The following SOX6 variants were observed in gnomAD, a reference collection of about 807,000 sequenced individuals.
SOX6 encodes the protein transcription factor SOX-6.
Under a neutral mutation model 97.8 loss-of-function variants are expected in SOX6, and 11 were observed. The ratio of observed to expected loss-of-function variants is 0.11; its 90% confidence interval spans 0.07 to 0.19. The LOEUF is 0.19. Among genes scored for constraint, SOX6 ranks in the 10% least tolerant of loss-of-function variants. SOX6 has a pLI of 1.00. For synonymous variants in SOX6, 360 were observed against 371.4 expected (o/e 0.97, Z 0.35); for missense variants, 810 against 1,039.5 (o/e 0.78, Z 3.04).
intron 6 of SOX6, among the ~76,000 whole-genome samples, chr11:16,174,353 A>G (rs1453657448): frequency 6.6e-6 from 1 of 151,976 alleles, no homozygotes; most frequent in Admixed American, 6.6e-5. Context: ...GTTTGATATT[A>G]CAACTTTAAC....
In SOX6 at chr11:16,447,875, C is replaced by A. The variant is rs115322911; in HGVS notation, c.-5+28440G>T. Reference sequence around the variant, plus strand: ...AGGTGCATATAAGTGGTTGTATTCACTTCAGTCTTACATCCACCAAATCAG... The same window carrying A: ...AGGTGCATATAAGTGGTTGTATTCAATTCAGTCTTACATCCACCAAATCAG... On this transcript the variant is annotated intron_variant, in intron 1 of 15. Coordinates refer to the SOX6 transcript ENST00000396356. Among the ~76,000 whole-genome samples the A allele has an allele frequency of 2.6e-3, 403 of 152,316 alleles. 3 individuals are homozygous for A. Among genetic ancestry groups the A allele is most frequent in the African/African-American group, 9.2e-3 (381 of 41,574 alleles).
chr11:16,052,090 G>C (rs1847699628), intron 10 of SOX6, among the ~76,000 whole-genome samples: 2 of 151,894 alleles, frequency 1.3e-5, no homozygotes, highest in Non-Finnish European at 2.9e-5. Flanking sequence ...CTATCTTCTT[G>C]AACATATGGA....
chr11:16,322,199 A>G (rs1227601985), intron 2 of SOX6, among the ~76,000 whole-genome samples: 2 of 152,186 alleles, frequency 1.3e-5, no homozygotes, highest in Admixed American at 6.6e-5. Flanking sequence ...CCAAATCTCA[A>G]GTTGAATTGT....
At chr11:16,532,276 T>G (rs1375467788) in intron 4 of SOX6, among the ~76,000 whole-genome samples, 1 of 151,804 alleles carries the variant, frequency 6.6e-6, no homozygotes, top group Non-Finnish European at 1.5e-5. Context: ...ACTACTCTAT[T>G]TAGGAAAGGG....
chr11:16,488,586 G>T (rs1302126497), intron 4 of SOX6, among the ~76,000 whole-genome samples: 5 of 152,024 alleles, frequency 3.3e-5, no homozygotes, highest in Admixed American at 1.3e-4. Context: ...TGCCTTAAGG[G>T]TACAAGACCC....
At chr11:16,556,533 A>T (rs1434403227) in intron 4 of SOX6, among the ~76,000 whole-genome samples, 1 of 151,802 alleles carries the variant, frequency 6.6e-6, no homozygotes, top group Non-Finnish European at 1.5e-5. Flanking sequence ...ACAGAATCAC[A>T]TGCAGAAGTG....
At position 16,132,505 on chromosome 11, in the gene SOX6, A is replaced by AAAGCAAGCAAGCAAGCAAGC. The variant is rs57320186; in HGVS notation, c.778-20583_778-20582insGCTTGCTTGCTTGCTTGCTT. Among the ~76,000 whole-genome samples the AAAGCAAGCAAGCAAGCAAGC allele has an allele frequency of 3.0e-3, 257 of 86,170 alleles. 26 individuals carry two copies. The highest frequency in any genetic ancestry group is 0.01 in the Middle Eastern group (2 of 192). 56.5% of individuals were successfully genotyped at this position (86,170 alleles called of 152,430 possible). A position where few individuals can be genotyped will look rare whatever the true frequency, so the allele number is the denominator to read the frequency against. ...GAAAGAAAGAAAGAAAGAAAGAAAG[A>AAAGCAAGCAAGCAAGCAAGC]AAGCTTATCTTTGTATCTAGGAAGA... On this transcript the variant is annotated intron_variant, in intron 6 of 15. Transcript: ENST00000683767.
intron 1 of SOX6, among the ~76,000 whole-genome samples, chr11:16,455,988 C>G (rs1859804008): frequency 6.6e-6 from 1 of 151,936 alleles, no homozygotes; most frequent in African/African-American, 2.4e-5. Context: ...GAATGGGCAA[C>G]TAAAAATACC....
intron 6 of SOX6, among the ~76,000 whole-genome samples, chr11:16,179,365 G>A (rs1447637940): frequency 6.6e-6 from 1 of 151,646 alleles, no homozygotes; most frequent in East Asian, 1.9e-4. Context: ...ATAGCACACA[G>A]GAATATATTA....
upstream of SOX6, among the ~76,000 whole-genome samples, chr11:16,360,800 G>A (rs1221074082): frequency 1.3e-5 from 2 of 151,992 alleles, no homozygotes; most frequent in South Asian, 2.1e-4. Flanking sequence ...TCAGGAGATC[G>A]AGACCATCCT....
At chr11:16,268,608 A>T (rs1192066057) in intron 3 of SOX6, among the ~76,000 whole-genome samples, 1 of 151,258 alleles carries the variant, frequency 6.6e-6, no homozygotes, top group Non-Finnish European at 1.5e-5. Flanking sequence ...TGACAAATTC[A>T]CAATTGTAAG....
intron 1 of SOX6, among the ~76,000 whole-genome samples, chr11:16,374,912 G>C (rs1565119658): frequency 6.6e-6 from 1 of 151,742 alleles, no homozygotes; most frequent in Non-Finnish European, 1.5e-5. Context: ...GATCATTTTT[G>C]TTATTATTGA....
At chr11:16,654,805 C>A (rs1847701094) in intron 3 of SOX6, among the ~76,000 whole-genome samples, 1 of 152,158 alleles carries the variant, frequency 6.6e-6, no homozygotes, top group Non-Finnish European at 1.5e-5. Context: ...CACCTCATTA[C>A]TTCATTACTC....
At chr11:16,208,687 A>G (rs1431628682) in intron 4 of SOX6, among the ~76,000 whole-genome samples, 2 of 152,214 alleles carry the variant, frequency 1.3e-5, no homozygotes, top group Non-Finnish European at 2.9e-5. Flanking sequence ...AAATTAGCAA[A>G]TATGGTATTA....
chr11:16,010,382 C>T (rs750528214), intron 13 of SOX6, among the ~76,000 whole-genome samples: 3 of 152,046 alleles, frequency 2.0e-5, no homozygotes, highest in Non-Finnish European at 4.4e-5. Context: ...CAGGGTCCAA[C>T]AGTCTGGCCA....
chr11:16,337,426 T>G (rs188341260), intron 2 of SOX6, among the ~76,000 whole-genome samples: 2 of 152,108 alleles, frequency 1.3e-5, no homozygotes, highest in African/African-American at 2.4e-5. Context: ...CACAAAAATA[T>G]TCCTCTCCAT....
At chr11:16,447,568 T>G (rs1229059965) in intron 1 of SOX6, among the ~76,000 whole-genome samples, 1 of 152,120 alleles carries the variant, frequency 6.6e-6, no homozygotes, top group Non-Finnish European at 1.5e-5. Flanking sequence ...GTTAATCACT[T>G]GATACATACT....
intron 3 of SOX6, among the ~76,000 whole-genome samples, chr11:16,642,736 A>G (rs1848939295): frequency 6.6e-6 from 1 of 152,198 alleles, no homozygotes; most frequent in Admixed American, 6.5e-5. Flanking sequence ...TTTGTCACAT[A>G]GTTCTCATGC....
intron 3 of SOX6, among the ~76,000 whole-genome samples, chr11:16,624,375 A>T (rs1180683808): frequency 6.6e-6 from 1 of 151,916 alleles, no homozygotes; most frequent in African/African-American, 2.4e-5. Context: ...TTTAGTAGAG[A>T]TGGGGTTTCA....
Sources: allele counts gnomAD v4.1 joint callset (sites outside exome capture counted in the v4.1 genomes callset), GRCh38; gene constraint gnomAD v4.1.1; transcripts MANE v1.5; gene names NCBI Gene and HGNC (gene_info 2026-07-23, HGNC 2026-07-21).